Variants in CSMD1 observed in about 807,000 individuals in gnomAD.
The protein encoded by CSMD1 is CUB and sushi domain-containing protein 1.
Under a neutral mutation model 417.5 loss-of-function variants are expected in CSMD1, and 213 were observed. That is an observed-to-expected ratio of 0.51 (90% confidence interval 0.46 to 0.57). The LOEUF is 0.57. CSMD1 is among the 20% of genes least tolerant of loss of function. The probability of loss-of-function intolerance (pLI) is 0.00; values close to 1 mark genes in which losing one functional copy is unlikely to be tolerated. For missense variants in CSMD1, 6,923 were observed against 4,529.7 expected (o/e 1.53, Z -15.17); for synonymous variants, 2,862 against 1,736.8 (o/e 1.65, Z -16.11).
chr8:4,207,879 T>C (rs1259112801), intron 3 of CSMD1, among the ~76,000 whole-genome samples: 2 of 152,234 alleles, frequency 1.3e-5, no homozygotes, highest in East Asian at 3.9e-4. Context: ...GGTGGAGAAA[T>C]TAGTCCTCAT....
chr8:4,462,139 T>C (rs971229568), intron 2 of CSMD1, among the ~76,000 whole-genome samples: 1 of 152,064 alleles, frequency 6.6e-6, no homozygotes, highest in African/African-American at 2.4e-5. Flanking sequence ...CCTCTCAAAG[T>C]GCTGGGATTA....
chr8:3,927,250 A>T (rs1188325539), intron 5 of CSMD1, among the ~76,000 whole-genome samples: 1 of 152,062 alleles, frequency 6.6e-6, no homozygotes, highest in African/African-American at 2.4e-5. Flanking sequence ...CAACAATTAC[A>T]AATAAATATA....
chr8:3,952,054 G>A (rs1811633070), intron 5 of CSMD1, among the ~76,000 whole-genome samples: 1 of 152,140 alleles, frequency 6.6e-6, no homozygotes, highest in African/African-American at 2.4e-5. Context: ...GTAAATAATT[G>A]TAAAATTCAT....
intron 11 of CSMD1, among the ~76,000 whole-genome samples, chr8:3,474,671 T>A (rs919432453): frequency 6.6e-6 from 1 of 152,184 alleles, no homozygotes; most frequent in Non-Finnish European, 1.5e-5. Context: ...GGAAATTGGT[T>A]TTGGTATACA....
chr8:4,512,098 C>G (rs1003058050), intron 2 of CSMD1, among the ~76,000 whole-genome samples: 9 of 152,160 alleles, frequency 5.9e-5, no homozygotes, highest in Admixed American at 3.9e-4. Flanking sequence ...TACCATGTTT[C>G]ACTGGGATTC....
intron 1 of CSMD1, among the ~76,000 whole-genome samples, chr8:4,667,232 A>C (rs891499452): frequency 6.6e-6 from 1 of 152,144 alleles, no homozygotes; most frequent in Non-Finnish European, 1.5e-5. Context: ...ATGTTTTCCA[A>C]TACCACAGTC....
In CSMD1 at chr8:2,955,788, C is replaced by A; in HGVS notation, c.9815-20G>T. 6.2e-7 allele frequency: 1 copy of A among 1,606,724 alleles called. No homozygotes were observed. The highest frequency in any genetic ancestry group is 8.5e-7 in the Non-Finnish European group (1 of 1,175,954). On this transcript the variant is annotated intron_variant, in intron 63 of 69. Coordinates refer to ENST00000635120, the MANE Select transcript of CSMD1 (RefSeq NM_033225.6). ...CATGAGCTGAAACAACATTAGGAAA[C>A]ATTGAGACTTTGTTTATTGTAAAGT...
Position 2,963,414 on chromosome 8 carries a change from C to G in CSMD1, c.9281-19G>C. ...AGCACGGCTATTTCCAAAGAACAAACAAGATCAACATTCCGGAGCTCCCGC... is the reference window on the plus strand; with the variant it reads ...AGCACGGCTATTTCCAAAGAACAAAGAAGATCAACATTCCGGAGCTCCCGC... On this transcript the variant is annotated intron_variant, in intron 59 of 69. Transcript: ENST00000635120. 1.9e-6 allele frequency: 3 copies of G among 1,608,834 alleles called. No homozygotes were observed. Among genetic ancestry groups the G allele is most frequent in the Middle Eastern group, 1.7e-4 (1 of 6,048 alleles).
intron 21 of CSMD1, among the ~76,000 whole-genome samples, chr8:3,351,075 G>C (rs548728463): frequency 6.6e-6 from 1 of 152,262 alleles, no homozygotes; most frequent in African/African-American, 2.4e-5. Context: ...TGAAACTAAA[G>C]TCTTCTATTA....
intron 37 of CSMD1, among the ~76,000 whole-genome samples, chr8:3,173,476 G>T (rs930091483): frequency 1.3e-5 from 2 of 152,176 alleles, no homozygotes; most frequent in Non-Finnish European, 2.9e-5. Flanking sequence ...ATTGTTTGTG[G>T]CCAAACTGTG....
At chr8:3,508,916 T>C (rs1796948052) in intron 10 of CSMD1, among the ~76,000 whole-genome samples, 1 of 152,122 alleles carries the variant, frequency 6.6e-6, no homozygotes, top group African/African-American at 2.4e-5. Context: ...CCCTTGCACA[T>C]AAATTTTTAA....
chr8:4,579,085 C>T (rs1420005701), intron 2 of CSMD1, among the ~76,000 whole-genome samples: 4 of 151,696 alleles, frequency 2.6e-5, no homozygotes, highest in Non-Finnish European at 5.9e-5. Flanking sequence ...TCCATTTATA[C>T]AGTTTATAAA....
chr8:4,450,602 G>C lies in CSMD1; in HGVS notation c.303-30537C>G, dbSNP rs537292178. ...GCCCAGATCGCACCACTGCACTCCAGCCTGGTAACAGAGTGACACTCAGTC... is the reference window on the plus strand; with the variant it reads ...GCCCAGATCGCACCACTGCACTCCACCCTGGTAACAGAGTGACACTCAGTC... On this transcript the variant is annotated intron_variant, in intron 2 of 69. Coordinates refer to ENST00000635120, the MANE Select transcript of CSMD1 (RefSeq NM_033225.6). 3.1e-4 allele frequency among the ~76,000 whole-genome samples: 47 copies of C among 152,224 alleles called. 2 individuals carry two copies. In the South Asian group the frequency reaches 9.5e-3, roughly 31 times the overall value.
At chr8:3,556,156 A>G (rs1035217392) in intron 10 of CSMD1, among the ~76,000 whole-genome samples, 7 of 151,978 alleles carry the variant, frequency 4.6e-5, no homozygotes, top group South Asian at 2.1e-4. Flanking sequence ...AGAATCATCA[A>G]TTTCCTAAGT....
chr8:4,795,640 A>G (rs903367098), intron 1 of CSMD1, among the ~76,000 whole-genome samples: 6 of 151,994 alleles, frequency 3.9e-5, no homozygotes, highest in African/African-American at 1.4e-4. Flanking sequence ...CTCAGAAAGG[A>G]ATTTCTAGGA....
chr8:4,108,233 T>G (rs1801672550), intron 3 of CSMD1, among the ~76,000 whole-genome samples: 1 of 152,190 alleles, frequency 6.6e-6, no homozygotes, highest in African/African-American at 2.4e-5. Flanking sequence ...CGTAAACATT[T>G]AATATTTAAT....
intron 1 of CSMD1, among the ~76,000 whole-genome samples, chr8:4,725,621 G>C (rs115705374): frequency 0.019 from 2,919 of 152,216 alleles, 73 homozygotes; most frequent in African/African-American, 0.056. Context: ...TTTTAAAGAA[G>C]CCTCTTGAAA....
chr8:3,674,102 T>A (rs1799239558), intron 7 of CSMD1, among the ~76,000 whole-genome samples: 1 of 149,990 alleles, frequency 6.7e-6, no homozygotes, highest in Non-Finnish European at 1.5e-5. Context: ...TGAGACTCCC[T>A]CTCAAAAGAC....
intron 3 of CSMD1, among the ~76,000 whole-genome samples, chr8:4,227,146 A>AAGC (rs1801408890): frequency 6.6e-6 from 1 of 152,122 alleles, no homozygotes; most frequent in East Asian, 1.9e-4. Context: ...TTAGCCCAGA[A>AAGC]AGCACTCAGG....
Sources: allele counts gnomAD v4.1 joint callset (sites outside exome capture counted in the v4.1 genomes callset), GRCh38; gene constraint gnomAD v4.1.1; transcripts MANE v1.5; gene names NCBI Gene and HGNC (gene_info 2026-07-23, HGNC 2026-07-21).